COL25A1: variants seen among roughly 807,000 people sequenced by gnomAD.
The protein encoded by COL25A1 is collagen type XXV alpha 1 chain, also known as collagen alpha-1(XXV) chain.
In COL25A1, 103 loss-of-function variants were observed where a neutral mutation model predicts 128.4. The ratio of observed to expected loss-of-function variants is 0.80; its 90% CI spans 0.68 to 0.94. The LOEUF is 0.94. Ranked by LOEUF, COL25A1 falls within the 40% of genes least tolerant of loss-of-function variation. The pLI is 0.00. For missense variants in COL25A1, 745 were observed against 840.0 expected (o/e 0.89, Z 1.40); for synonymous variants, 279 against 277.2 (o/e 1.01, Z -0.06).
intron 13 of COL25A1, among the ~76,000 whole-genome samples, chr4:108,904,233 G>A (rs996003418): frequency 1.3e-5 from 2 of 152,082 alleles, no homozygotes; most frequent in Non-Finnish European, 2.9e-5. Flanking sequence ...TGTTTCCTGA[G>A]ACATAAAGAT....
chr4:109,019,568 CGAGA>C (rs1757538700), intron 5 of COL25A1, among the ~76,000 whole-genome samples: 1 of 151,676 alleles, frequency 6.6e-6, no homozygotes, highest in Admixed American at 6.6e-5. Context: ...TGGTGGCAGC[CGAGA>C]GAGTGAGCAA....
intron 3 of COL25A1, among the ~76,000 whole-genome samples, chr4:109,177,079 C>T (rs1265667722): frequency 6.6e-6 from 1 of 152,128 alleles, no homozygotes; most frequent in African/African-American, 2.4e-5. Context: ...ATTTCCTAGT[C>T]TAGGAATGAA....
Position 108,985,077 on chromosome 4 carries a change from C to T in COL25A1, c.439-10518G>A, listed in dbSNP as rs191021313. 3.9e-5 allele frequency among the ~76,000 whole-genome samples: 6 copies of T among 152,324 alleles called. 1 individual carries two copies. The highest frequency in any genetic ancestry group is 1.4e-4 in the African/African-American group (6 of 41,574). On this transcript the variant is annotated intron_variant, in intron 6 of 37. Transcript: ENST00000399132. ...CTCTCAGGGCTTGTCTACCATTCTC[C>T]TTCTTCCAATGTATATTGGATCTCC...
At chr4:109,127,783 G>A (rs1468481096) in intron 3 of COL25A1, among the ~76,000 whole-genome samples, 4 of 152,126 alleles carry the variant, frequency 2.6e-5, no homozygotes, top group Non-Finnish European at 4.4e-5. Context: ...AACGAACCTC[G>A]GGTAGTTACC....
intron 3 of COL25A1, among the ~76,000 whole-genome samples, chr4:109,054,620 G>A (rs931278336): frequency 6.6e-6 from 1 of 152,100 alleles, no homozygotes; most frequent in Non-Finnish European, 1.5e-5. Context: ...GAAGCATAGG[G>A]AACTTTAAGT....
At chr4:108,887,335 G>A (rs1740955104) in intron 18 of COL25A1, among the ~76,000 whole-genome samples, 2 of 152,244 alleles carry the variant, frequency 1.3e-5, no homozygotes, top group Middle Eastern at 6.8e-3. Flanking sequence ...AAATGCCGTG[G>A]AAGATCTCTT....
rs778487615 is a variant in COL25A1 at position 108,940,604 on chromosome 4, G to C, written c.607C>G (p.Pro203Ala). Residue 203 changes from proline to alanine, a missense_variant, in exon 10 of 38, where the codon CCA (proline) becomes GCA (alanine). By Grantham distance (27) the Pro-to-Ala change is conservative. Coordinates refer to ENST00000399132, the MANE Select transcript of COL25A1 (RefSeq NM_198721.4). ...QAGPPGPPGP[P>A]GPRGPPGDTG... Reference sequence around the variant, plus strand: ...TCCCCAGGTGGCCCTCTTGGGCCTGGAGGGCCAGGGGGTCCTGGAGGCCCT... The same window carrying C: ...TCCCCAGGTGGCCCTCTTGGGCCTGCAGGGCCAGGGGGTCCTGGAGGCCCT... The C allele has an allele frequency of 6.2e-7, 1 of 1,611,300 alleles. No homozygotes were observed. The highest frequency in any genetic ancestry group is 1.1e-5 in the South Asian group (1 of 90,572).
intron 5 of COL25A1, among the ~76,000 whole-genome samples, chr4:109,041,790 T>G (rs1579178092): frequency 6.6e-6 from 1 of 152,226 alleles, no homozygotes; most frequent in East Asian, 1.9e-4. Context: ...TCTATGGCTG[T>G]GTAACCGTGC....
chr4:108,961,587 T>TTCTGTTCTGTTCTGC (rs1750689672), intron 8 of COL25A1, among the ~76,000 whole-genome samples: 1 of 151,440 alleles, frequency 6.6e-6, no homozygotes, highest in Non-Finnish European at 1.5e-5. Context: ...TTCTGTTCTG[T>TTCTGTTCTGTTCTGC]TCTGTTCTGT....
intron 3 of COL25A1, among the ~76,000 whole-genome samples, chr4:109,236,460 C>T (rs1009415456): frequency 3.9e-5 from 6 of 151,952 alleles, no homozygotes; most frequent in African/African-American, 7.2e-5. Context: ...ACACCTGTAA[C>T]GCCTATAGCT....
At chr4:109,047,673 A>C (rs1760562652) in intron 5 of COL25A1, among the ~76,000 whole-genome samples, 1 of 151,866 alleles carries the variant, frequency 6.6e-6, no homozygotes, top group Non-Finnish European at 1.5e-5. Context: ...TTCTAACATC[A>C]CATGATCACA....
intron 6 of COL25A1, among the ~76,000 whole-genome samples, chr4:108,983,637 G>A (rs1292649513): frequency 6.6e-6 from 1 of 152,108 alleles, no homozygotes; most frequent in Non-Finnish European, 1.5e-5. Flanking sequence ...CGCATCTGGA[G>A]TTTGTTCGGA....
chr4:109,157,407 TAG>T (rs1003953217), intron 3 of COL25A1, among the ~76,000 whole-genome samples: 2 of 152,156 alleles, frequency 1.3e-5, no homozygotes, highest in African/African-American at 4.8e-5. Context: ...CAGTACAGTG[TAG>T]AGAGGCAAGT....
chr4:109,200,132 G>C (rs995381542), intron 3 of COL25A1, among the ~76,000 whole-genome samples: 1 of 152,174 alleles, frequency 6.6e-6, no homozygotes, highest in African/African-American at 2.4e-5. Flanking sequence ...TATATGAAAT[G>C]GTAACTTCCT....
At chr4:108,859,877 T>C in intron 23 of COL25A1, 144 bp from the exon 24 acceptor site, 1 of 591,668 alleles carries the variant, frequency 1.7e-6, no homozygotes, top group Non-Finnish European at 3.0e-6. Flanking sequence ...AATATATAAA[T>C]AATTATGTTC....
intron 3 of COL25A1, among the ~76,000 whole-genome samples, chr4:109,078,988 A>T (rs1763611609): frequency 6.6e-6 from 1 of 152,234 alleles, no homozygotes; most frequent in African/African-American, 2.4e-5. Flanking sequence ...AAGGAAAAAA[A>T]ATCCATGTTT....
intron 14 of COL25A1, among the ~76,000 whole-genome samples, chr4:108,899,672 T>C (rs1211347087): frequency 6.6e-6 from 1 of 152,146 alleles, no homozygotes; most frequent in Non-Finnish European, 1.5e-5. Context: ...TGATCATAAA[T>C]AGTCCTAATC....
chr4:109,081,715 T>A (rs904170249), intron 3 of COL25A1, among the ~76,000 whole-genome samples: 11 of 152,140 alleles, frequency 7.2e-5, no homozygotes, highest in Admixed American at 3.3e-4. Flanking sequence ...CTTTTATTTT[T>A]TTTTTTGAGA....
At chr4:109,236,518 C>CA (rs1456278613) in intron 3 of COL25A1, among the ~76,000 whole-genome samples, 1 of 151,968 alleles carries the variant, frequency 6.6e-6, no homozygotes, top group East Asian at 1.9e-4. Context: ...CACAAATGGC[C>CA]ACTTTTCCAT....
Sources: allele counts gnomAD v4.1 joint callset (sites outside exome capture counted in the v4.1 genomes callset), GRCh38; gene constraint gnomAD v4.1.1; transcripts MANE v1.5; gene names NCBI Gene and HGNC (gene_info 2026-07-23, HGNC 2026-07-21).